The following OPTN variants were observed in gnomAD, a reference collection of about 807,000 sequenced individuals.
The protein encoded by OPTN is optineurin.
A neutral mutation model predicts 70.4 loss-of-function variants in OPTN; 54 were observed. That is an observed-to-expected ratio of 0.77 (90% CI 0.62 to 0.96). OPTN has a LOEUF of 0.96. OPTN is among the 40% of genes least tolerant of loss of function. OPTN has a pLI of 0.00. For synonymous variants in OPTN, 256 were observed against 248.5 expected (o/e 1.03, Z -0.28); for missense variants, 624 against 673.2 (o/e 0.93, Z 0.81).
In OPTN at chr10:13,129,291, T is replaced by G. The variant is rs372212201; in HGVS notation, c.1401+1388T>G. ...ATGGGTCTGTTTCTGGATTTTGTTC[T>G]ATTTTATTGGTCTACTCATATATCT... On this transcript the variant is annotated intron_variant, in intron 12 of 14. Coordinates refer to ENST00000378747, the MANE Select transcript of OPTN (RefSeq NM_001008212.2). Among the ~76,000 whole-genome samples the G allele has an allele frequency of 2.1e-4, 32 of 152,318 alleles. No individual in the cohort carries two copies. The East Asian group carries it at 3.1e-3, about 15-fold the overall frequency.
At chr10:13,133,974 A>T (rs1399565337) in intron 14 of OPTN, among the ~76,000 whole-genome samples, 1 of 151,890 alleles carries the variant, frequency 6.6e-6, no homozygotes, top group Non-Finnish European at 1.5e-5. Context: ...ACACCCAGCT[A>T]ATTTTTGTAT....
At chr10:13,119,202 A>G (rs747234680) in intron 7 of OPTN, among the ~76,000 whole-genome samples, 162 bp downstream of exon 7, 4 of 152,174 alleles carry the variant, frequency 2.6e-5, no homozygotes, top group Non-Finnish European at 4.4e-5. Flanking sequence ...ATTTTAGAAC[A>G]TTTTTTCCCC....
intron 2 of OPTN, among the ~76,000 whole-genome samples, chr10:13,108,504 C>A (rs1044133237): frequency 6.6e-6 from 1 of 151,616 alleles, no homozygotes; most frequent in African/African-American, 2.4e-5. Flanking sequence ...GATGTCATAC[C>A]CTCGTCTCCC....
rs996911519 is a variant in OPTN at position 13,137,604 on chromosome 10, T to A, written c.*738T>A. 1.7e-5 allele frequency: 4 copies of A among 231,126 alleles called. No individual in the cohort carries two copies. The highest frequency in any genetic ancestry group is 3.4e-5 in the Non-Finnish European group (4 of 116,858). 14.3% of individuals were successfully genotyped at this position (231,126 alleles called of 1,614,324 possible). A position where few individuals can be genotyped will look rare whatever the true frequency, so the allele number is the denominator to read the frequency against. ...GTATGTGCTGTTTTTGAAGCATTTT[T>A]AAAAACGAATTGTAGTTGTTTTTCT... is the stretch of plus-strand genomic sequence containing the variant. On this transcript the variant is annotated 3_prime_UTR_variant, in exon 15 of 15. Transcript: ENST00000378747.
At chr10:13,125,911 C>T (rs1434756083) in intron 10 of OPTN, 35 bp from the exon 11 acceptor site, 4 of 1,455,696 alleles carry the variant, frequency 2.7e-6, no homozygotes, top group South Asian at 1.1e-5. Context: ...TGATATTTTC[C>T]CCAGGATTCC....
chr10:13,136,975 C>A lies in OPTN; in HGVS notation c.*109C>A. On this transcript the variant is annotated 3_prime_UTR_variant, in exon 15 of 15. Coordinates refer to ENST00000378747, the MANE Select transcript of OPTN (RefSeq NM_001008212.2). Reference sequence around the variant, plus strand: ...CACTCAAATATTTTGCCTCATTATTCTTGTTTTAAAAGAAAGAAAACAGGC... The same window carrying A: ...CACTCAAATATTTTGCCTCATTATTATTGTTTTAAAAGAAAGAAAACAGGC... 1 of 1,477,914 alleles carries A rather than the reference C, an allele frequency of 6.8e-7. No homozygotes were observed. The highest frequency in any genetic ancestry group is 9.4e-7 in the Non-Finnish European group (1 of 1,066,630). 91.6% of individuals were successfully genotyped at this position (1,477,914 alleles called of 1,614,324 possible).
At chr10:13,130,126 C>T (rs956942571) in intron 12 of OPTN, among the ~76,000 whole-genome samples, 1 of 152,044 alleles carries the variant, frequency 6.6e-6, no homozygotes, top group Non-Finnish European at 1.5e-5. Flanking sequence ...TTTTTGAGCA[C>T]TTATAATATG....
intron 5 of OPTN, among the ~76,000 whole-genome samples, chr10:13,115,155 T>C (rs1353575365): frequency 2.2e-5 from 2 of 90,144 alleles, no homozygotes; most frequent in Admixed American, 1.6e-4. Flanking sequence ...TATCTATATA[T>C]TTATATATAG....
chr10:13,115,842 G>A (rs1165095439), intron 5 of OPTN, among the ~76,000 whole-genome samples: 2 of 151,352 alleles, frequency 1.3e-5, no homozygotes, highest in East Asian at 3.9e-4. Context: ...CTCATTCACA[G>A]AAACTGCCTC....
chr10:13,106,374 T>G (rs1203404542), intron 1 of OPTN, among the ~76,000 whole-genome samples: 1 of 152,236 alleles, frequency 6.6e-6, no homozygotes, highest in African/African-American at 2.4e-5. Flanking sequence ...AGAAGAGCAG[T>G]CTGTTCTAGT....
chr10:13,114,249 A>T (rs1404995988), intron 5 of OPTN, among the ~76,000 whole-genome samples: 1 of 152,114 alleles, frequency 6.6e-6, no homozygotes, highest in African/African-American at 2.4e-5. Flanking sequence ...GAGTTAGGAA[A>T]CAGCTCTGAA....
intron 4 of OPTN, among the ~76,000 whole-genome samples, chr10:13,111,844 GTTTTTTTTTT>G (rs34942122): frequency 1.1e-5 from 1 of 87,730 alleles, no homozygotes; most frequent in East Asian, 3.7e-4. Context: ...TTTTTTGACT[GTTTTTTTTTT>G]TTTTTTTTTT....
At chr10:13,129,713 TGC>T (rs1833552341) in intron 12 of OPTN, among the ~76,000 whole-genome samples, 1 of 152,218 alleles carries the variant, frequency 6.6e-6, no homozygotes, top group Non-Finnish European at 1.5e-5. Context: ...CTTCTAAAAC[TGC>T]CTAACCAAAA....
intron 2 of OPTN, 159 bp from the exon 3 acceptor site, chr10:13,108,953 G>A: frequency 1.4e-6 from 1 of 727,112 alleles, no homozygotes; most frequent in Admixed American, 2.0e-5. Flanking sequence ...TACCTTTTTT[G>A]TTTAAAAGGA....
intron 5 of OPTN, among the ~76,000 whole-genome samples, chr10:13,112,871 TC>T (rs1174820058): frequency 3.9e-5 from 6 of 152,166 alleles, no homozygotes; most frequent in African/African-American, 1.4e-4. Context: ...TTTTTTTTTT[TC>T]TTCATCATGT....
At chr10:13,120,700 G>C (rs905306514) in intron 7 of OPTN, among the ~76,000 whole-genome samples, 1 of 151,994 alleles carries the variant, frequency 6.6e-6, no homozygotes, top group Non-Finnish European at 1.5e-5. Context: ...CTGTTTCATT[G>C]ATCTATGTTT....
At position 13,116,825 on chromosome 10, in the gene OPTN, G is replaced by A. The variant is rs568309431; in HGVS notation, c.626+485G>A. Among the ~76,000 whole-genome samples the A allele has an allele frequency of 7.2e-5, 11 of 152,308 alleles. No individual in the cohort carries two copies. In the South Asian group the frequency reaches 2.3e-3, roughly 32 times the overall value. Reference sequence around the variant, plus strand: ...GATAGCACTCTCAGTCATTGTGGGTGTTGCCTGAAAGTGCCCAGATTTCTT... The same window carrying A: ...GATAGCACTCTCAGTCATTGTGGGTATTGCCTGAAAGTGCCCAGATTTCTT... On this transcript the variant is annotated intron_variant, in intron 6 of 14. Coordinates refer to ENST00000378747, the MANE Select transcript of OPTN (RefSeq NM_001008212.2).
At chr10:13,107,562 T>A (rs542415884) in intron 1 of OPTN, among the ~76,000 whole-genome samples, 3 of 151,548 alleles carry the variant, frequency 2.0e-5, no homozygotes, top group South Asian at 2.1e-4. Context: ...GTATTTTTTT[T>A]ATTAGAGACA....
chr10:13,118,760 G>A (rs1833276081), intron 6 of OPTN, 128 bp from the exon 7 acceptor site: 1 of 833,578 alleles, frequency 1.2e-6, no homozygotes, highest in Non-Finnish European at 2.0e-6. Flanking sequence ...TTGTTCACTA[G>A]TTGAGAATTA....
Sources: allele counts gnomAD v4.1 joint callset (sites outside exome capture counted in the v4.1 genomes callset), GRCh38; gene constraint gnomAD v4.1.1; transcripts MANE v1.5; gene names NCBI Gene and HGNC (gene_info 2026-07-23, HGNC 2026-07-21).